The following TRPM6 variants were observed in gnomAD, a reference collection of about 807,000 sequenced individuals.
The protein encoded by TRPM6 is channel kinase 2.
Under a neutral mutation model 247.6 loss-of-function variants are expected in TRPM6, and 111 were observed. The ratio of observed to expected loss-of-function variants is 0.45; its 90% CI spans 0.38 to 0.52. TRPM6 has a LOEUF of 0.52. Ranked by LOEUF, TRPM6 falls within the 20% of genes least tolerant of loss-of-function variation. The probability of loss-of-function intolerance (pLI) is 0.00; values close to 1 mark genes in which losing one functional copy is unlikely to be tolerated. For synonymous variants in TRPM6, 892 were observed against 853.8 expected, an observed-to-expected ratio of 1.04 and a Z score of -0.78; for missense variants, 2,126 against 2,421.5, an observed-to-expected ratio of 0.88 and a Z score of 2.56.
chr9:74,732,848 G>T, intron 36 of TRPM6, 112 bp from the exon 37 acceptor site: 1 of 866,212 alleles, frequency 1.2e-6, no homozygotes, highest in Non-Finnish European at 1.8e-6. Flanking sequence ...CAGTCACTCT[G>T]TAGTAAATTA....
intron 1 of TRPM6, among the ~76,000 whole-genome samples, chr9:74,880,013 A>G (rs1831312794): frequency 6.6e-6 from 1 of 152,004 alleles, no homozygotes; most frequent in African/African-American, 2.4e-5. Flanking sequence ...TCAGAACTGA[A>G]TTGGAAGACA....
rs566810636 is a variant in TRPM6, at chr9:74,836,153, G to T, written c.545-2031C>A. 2.5e-4 allele frequency among the ~76,000 whole-genome samples: 38 copies of T among 152,136 alleles called. No individual in the cohort carries two copies. In the South Asian group the frequency reaches 7.7e-3, roughly 31 times the overall value. On this transcript the variant is annotated intron_variant, in intron 5 of 38. Transcript: ENST00000360774. Reference sequence around the variant, plus strand: ...TCTCCCCCCTCAGCTCCTGGCAACTGCTGATCTTTCTACTGTCTCCATAGA... The same window carrying T: ...TCTCCCCCCTCAGCTCCTGGCAACTTCTGATCTTTCTACTGTCTCCATAGA...
chr9:74,745,277 G>T (rs1463381253), intron 31 of TRPM6, among the ~76,000 whole-genome samples: 2 of 152,194 alleles, frequency 1.3e-5, no homozygotes, highest in Non-Finnish European at 2.9e-5. Context: ...ACTGCTTAAG[G>T]AGCTGTGAGA....
intron 1 of TRPM6, among the ~76,000 whole-genome samples, chr9:74,871,316 A>C (rs1190059886): frequency 6.6e-6 from 1 of 152,162 alleles, no homozygotes; most frequent in African/African-American, 2.4e-5. Context: ...CCTCTATTAC[A>C]GTTTGTTGTG....
At chr9:74,821,548 A>T in intron 8 of TRPM6, 121 bp downstream of exon 8, 1 of 1,175,484 alleles carries the variant, frequency 8.5e-7, no homozygotes, top group Non-Finnish European at 1.3e-6. Flanking sequence ...TGAGAAATGA[A>T]ATCCAGTCTC....
At chr9:74,806,866 A>C (rs1429439170) in intron 14 of TRPM6, among the ~76,000 whole-genome samples, 1 of 152,178 alleles carries the variant, frequency 6.6e-6, no homozygotes, top group Non-Finnish European at 1.5e-5. Context: ...TCTGCACTCC[A>C]CTGGAAGACA....
At chr9:74,852,409 C>T (rs569999675) in intron 3 of TRPM6, among the ~76,000 whole-genome samples, 1 of 150,378 alleles carries the variant, frequency 6.6e-6, no homozygotes, top group African/African-American at 2.4e-5. Flanking sequence ...TAAAAGTGTC[C>T]CGCTCCCGCT....
At chr9:74,826,320 A>G (rs1277738477) in intron 7 of TRPM6, among the ~76,000 whole-genome samples, 1 of 152,204 alleles carries the variant, frequency 6.6e-6, no homozygotes, top group Non-Finnish European at 1.5e-5. Flanking sequence ...TGACCTCACT[A>G]CATTCTGCTG....
chr9:74,833,155 T>G (rs547877974), intron 6 of TRPM6, among the ~76,000 whole-genome samples: 3 of 152,320 alleles, frequency 2.0e-5, no homozygotes, highest in African/African-American at 4.8e-5. Flanking sequence ...AGCACATTTA[T>G]AGCAATCAGT....
chr9:74,855,694 G>A, intron 2 of TRPM6, 129 bp from the exon 3 acceptor site: 3 of 715,796 alleles, frequency 4.2e-6, no homozygotes, highest in Non-Finnish European at 7.5e-6. Flanking sequence ...CATATATCAT[G>A]TTCCAAATAT....
chr9:74,795,229 C>T (rs764551635), intron 18 of TRPM6, among the ~76,000 whole-genome samples: 1 of 152,170 alleles, frequency 6.6e-6, no homozygotes, highest in Non-Finnish European at 1.5e-5. Context: ...CCCTGGCCTA[C>T]CCTGCTTCCA....
At chr9:74,848,869 G>A (rs901787961) in intron 3 of TRPM6, among the ~76,000 whole-genome samples, 28 of 152,076 alleles carry the variant, frequency 1.8e-4, no homozygotes, top group African/African-American at 6.0e-4. Context: ...AGAAAAAAAC[G>A]TAAAGAAATC....
intron 21 of TRPM6, among the ~76,000 whole-genome samples, chr9:74,784,755 T>G (rs897170566): frequency 6.6e-6 from 1 of 152,198 alleles, no homozygotes; most frequent in Non-Finnish European, 1.5e-5. Flanking sequence ...CATTTGCTAA[T>G]ACTAGTTTGT....
chr9:74,868,261 G>A (rs11144125), intron 1 of TRPM6, among the ~76,000 whole-genome samples: 25,797 of 151,720 alleles, frequency 0.17, 2,881 homozygotes, highest in Middle Eastern at 0.31. Flanking sequence ...TAGGGAGGCC[G>A]AGGCAGGTGG....
At chr9:74,839,997 G>A (rs928032727) in intron 5 of TRPM6, 27 bp downstream of exon 5, 9 of 1,543,766 alleles carry the variant, frequency 5.8e-6, no homozygotes, top group Non-Finnish European at 2.7e-6. Flanking sequence ...AAGAGAGGGT[G>A]GGAGAAATGG....
intron 24 of TRPM6, 59 bp downstream of exon 24, chr9:74,775,824 T>A: frequency 6.4e-7 from 1 of 1,563,968 alleles, no homozygotes; most frequent in Middle Eastern, 1.7e-4. Context: ...CTCCAGTGCA[T>A]CTTTGCCTTG....
intron 13 of TRPM6, among the ~76,000 whole-genome samples, chr9:74,809,976 C>CAAAAA (rs57812269): frequency 3.0e-5 from 1 of 33,560 alleles, no homozygotes; most frequent in Non-Finnish European, 6.4e-5. Context: ...AACTCCATCT[C>CAAAAA]AAAAAAAAAA....
chr9:74,884,414 A>G (rs10869456), intron 1 of TRPM6, among the ~76,000 whole-genome samples: 116,645 of 151,874 alleles, frequency 0.77, 45,119 homozygotes, highest in Non-Finnish European at 0.79. Context: ...GTGTGAACCC[A>G]GCAGGCGGAG....
At chr9:74,819,371 T>C (rs566604703) in intron 9 of TRPM6, among the ~76,000 whole-genome samples, 4 of 151,760 alleles carry the variant, frequency 2.6e-5, no homozygotes, top group South Asian at 2.1e-4. Flanking sequence ...AGGCTGGCCA[T>C]GGTGGCTCAT....
Sources: gnomAD v4.1 joint callset for allele counts (sites outside exome capture counted in the v4.1 genomes callset) on GRCh38, gnomAD v4.1.1 for gene constraint, MANE v1.5 for transcripts, NCBI Gene and HGNC (gene_info 2026-07-23, HGNC 2026-07-21) for gene names.